The following STRIP2 variants were observed in gnomAD, a reference collection of about 807,000 sequenced individuals.
STRIP2 encodes striatin interacting protein 2.
A neutral mutation model predicts 107.1 loss-of-function variants in STRIP2; 84 were observed. The observed-to-expected ratio is 0.78, with a 90% CI of 0.66 to 0.94. STRIP2 has a LOEUF of 0.94. Among genes scored for constraint, STRIP2 ranks in the 40% least tolerant of loss-of-function variants. The pLI is 0.00. For missense variants in STRIP2, 888 were observed against 1,034.2 expected (o/e 0.86, Z 1.94); for synonymous variants, 394 against 400.4 (o/e 0.98, Z 0.19).
At chr7:129,440,196 G>A in intron 2 of STRIP2, 105 bp downstream of exon 2, 1 of 920,996 alleles carries the variant, frequency 1.1e-6, no homozygotes, top group South Asian at 1.4e-5. Flanking sequence ...AGTGGCTGTT[G>A]AACAAAGGCT....
At chr7:129,474,215 A>C (rs1304090401) in intron 18 of STRIP2, among the ~76,000 whole-genome samples, 1 of 151,114 alleles carries the variant, frequency 6.6e-6, no homozygotes, top group Non-Finnish European at 1.5e-5. Context: ...ATCACAGCTC[A>C]CTGCAGTCTT....
chr7:129,459,552 T>C lies in STRIP2; in HGVS notation c.1376T>C (p.Ile459Thr). The C allele has an allele frequency of 6.2e-7, 1 of 1,614,040 alleles. No individual in the cohort carries two copies. The highest frequency in any genetic ancestry group is 8.5e-7 in the Non-Finnish European group (1 of 1,179,978). ...TDTLVGLPRP[I>T]HESVKTLKQH... Reference sequence around the variant, plus strand: ...ACATTGGTTGGATTACCCAGGCCCATCCATGAGAGTGTGAAGACCCTAAAG... The same window carrying C: ...ACATTGGTTGGATTACCCAGGCCCACCCATGAGAGTGTGAAGACCCTAAAG... The change falls in exon 12 of 21, where the codon ATC becomes ACC. Residue 459 changes from isoleucine to threonine, a missense_variant. Transcript: ENST00000249344.
chr7:129,459,723 T>C (rs1450816171), intron 12 of STRIP2, 143 bp downstream of exon 12: 3 of 590,550 alleles, frequency 5.1e-6, no homozygotes, highest in South Asian at 2.5e-5. Flanking sequence ...TTTGGCCAAA[T>C]AGGAAAAATT....
intron 19 of STRIP2, among the ~76,000 whole-genome samples, chr7:129,482,195 A>G (rs1799135197): frequency 6.6e-6 from 1 of 152,086 alleles, no homozygotes; most frequent in Non-Finnish European, 1.5e-5. Flanking sequence ...ATATGCATAC[A>G]TAGAATTATC....
Position 129,483,408 on chromosome 7 carries a change from A to G in STRIP2, c.2254+362A>G. The G allele has an allele frequency of 1.3e-6, 1 of 776,912 alleles. No homozygotes were observed. The highest frequency in any genetic ancestry group is 1.6e-6 in the Non-Finnish European group (1 of 622,844). The allele number at this position is 776,912 out of a possible 1,614,324, so 48.1% of individuals were successfully genotyped here. A position where few individuals can be genotyped will look rare whatever the true frequency, so the allele number is the denominator to read the frequency against. On this transcript the variant is annotated intron_variant, in intron 20 of 20. Coordinates refer to ENST00000249344, the MANE Select transcript of STRIP2 (RefSeq NM_020704.3). This position sits in a 1 kb window ranked among gnomAD's most constrained non-coding sequence, Gnocchi z 5.1. The stretch of plus-strand genomic sequence containing the variant: ...AGATAGAAAATACAAGTAAACAAAC[A>G]TTTTACTATATTATATTTATGCCAT...
chr7:129,435,159 C>T (rs1797701310), intron 1 of STRIP2, among the ~76,000 whole-genome samples: 1 of 152,202 alleles, frequency 6.6e-6, no homozygotes, highest in Non-Finnish European at 1.5e-5. Flanking sequence ...CCGCGGACAT[C>T]AGGCCCCTGC....
At chr7:129,478,542 C>T (rs1474730976) in intron 18 of STRIP2, among the ~76,000 whole-genome samples, 1 of 152,040 alleles carries the variant, frequency 6.6e-6, no homozygotes, top group Non-Finnish European at 1.5e-5. Flanking sequence ...TGGCAGTAAC[C>T]TAAATGACCA....
chr7:129,470,990 G>A (rs1002223799), intron 18 of STRIP2, among the ~76,000 whole-genome samples: 1 of 152,186 alleles, frequency 6.6e-6, no homozygotes, highest in African/African-American at 2.4e-5. Context: ...TAATGGGACC[G>A]AAATTGAGCG....
intron 3 of STRIP2, among the ~76,000 whole-genome samples, chr7:129,446,734 G>A (rs898423718): frequency 6.6e-6 from 1 of 152,188 alleles, no homozygotes; most frequent in Non-Finnish European, 1.5e-5. Context: ...GGAGACCATG[G>A]GCATTTGAGC....
Position 129,458,902 on chromosome 7 carries a change from C to T in STRIP2, c.1340+125C>T. On this transcript the variant is annotated intron_variant, in intron 11 of 20. Transcript: ENST00000249344. This position sits in a 1 kb window ranked among gnomAD's most constrained non-coding sequence, Gnocchi z 4.6. The stretch of plus-strand genomic sequence containing the variant: ...TAACCTAGAGCCCCTAGGCCATGGA[C>T]AACTCCCAGTGACTACTTTGGGTTC... 4 of 830,274 alleles carry T rather than the reference C, an allele frequency of 4.8e-6. 1 individual carries two copies. In the Admixed American group the frequency reaches 6.9e-5, roughly 14 times the overall value. The allele number at this position is 830,274 out of a possible 1,614,324, so 51.4% of individuals were successfully genotyped here.
intron 18 of STRIP2, among the ~76,000 whole-genome samples, chr7:129,475,587 G>A (rs1171740731): frequency 1.1e-5 from 1 of 94,022 alleles, no homozygotes; most frequent in African/African-American, 4.2e-5. Context: ...TTTTTTTATT[G>A]ATCATTCTTG....
intron 17 of STRIP2, among the ~76,000 whole-genome samples, chr7:129,469,439 A>G (rs371958541): frequency 3.9e-5 from 6 of 152,334 alleles, no homozygotes; most frequent in East Asian, 3.9e-4. Context: ...GAATGGAACA[A>G]ATCTATCTTT....
intron 13 of STRIP2, 146 bp downstream of exon 13, chr7:129,460,518 T>G (rs559596332): frequency 1.4e-6 from 1 of 699,076 alleles, no homozygotes; most frequent in African/African-American, 1.8e-5. Flanking sequence ...TCATGATATA[T>G]TGAAGTTGGG....
At chr7:129,478,025 A>AGC (rs1799017198) in intron 18 of STRIP2, 2 of 427,630 alleles carry the variant, frequency 4.7e-6, no homozygotes, top group Non-Finnish European at 9.3e-6. Flanking sequence ...GATGGCAACC[A>AGC]GCGGGCAACA....
At chr7:129,456,709 C>A in intron 9 of STRIP2, 67 bp downstream of exon 9, 1 of 1,440,782 alleles carries the variant, frequency 6.9e-7, no homozygotes, top group Non-Finnish European at 9.5e-7. Flanking sequence ...CTAAGTTACT[C>A]TGGGTGTGGT....
At chr7:129,477,746 A>G (rs952204639) in intron 18 of STRIP2, 1 of 227,104 alleles carries the variant, frequency 4.4e-6, no homozygotes, top group African/African-American at 2.3e-5. Context: ...TAAAATAGAA[A>G]AAACATGCCA....
intron 18 of STRIP2, among the ~76,000 whole-genome samples, chr7:129,477,161 C>G (rs1478642679): frequency 2.7e-5 from 3 of 110,708 alleles, no homozygotes; most frequent in African/African-American, 7.1e-5. Context: ...AGAGGGAGAC[C>G]GTGGAAAGAG....
chr7:129,485,637 T>G lies in STRIP2; in HGVS notation c.2313T>G (p.Ile771Met). ...QAEECTLRAN[I>M]EAFNSRRYDR... ...AAGAATGTACCTTGAGGGCCAACATTGAGGCTTTTAACAGCCGTCGCTATG... is the reference window on the plus strand; with the variant it reads ...AAGAATGTACCTTGAGGGCCAACATGGAGGCTTTTAACAGCCGTCGCTATG... The change falls in exon 21 of 21, where the codon ATT (isoleucine) becomes ATG (methionine). Residue 771 changes from isoleucine to methionine, a missense_variant. Physicochemically the swap from Ile to Met is conservative, Grantham distance 10. Transcript: ENST00000249344. 1 of 1,613,946 alleles carries G rather than the reference T, an allele frequency of 6.2e-7. No individual in the cohort carries two copies. Among genetic ancestry groups the G allele is most frequent in the South Asian group, 1.1e-5 (1 of 91,066 alleles).
At chr7:129,470,313 A>G (rs926364942) in intron 17 of STRIP2, among the ~76,000 whole-genome samples, 3 of 152,220 alleles carry the variant, frequency 2.0e-5, no homozygotes, top group Non-Finnish European at 4.4e-5. Flanking sequence ...TTATATTCAC[A>G]CATACAGTTA....
Sources: gnomAD v4.1 joint callset for allele counts (sites outside exome capture counted in the v4.1 genomes callset) on GRCh38, gnomAD v4.1.1 for gene constraint, Gnocchi (gnomAD v3.1) non-coding constraint, MANE v1.5 for transcripts, NCBI Gene and HGNC (gene_info 2026-07-23, HGNC 2026-07-21) for gene names.